Variants in SYT6 observed in about 807,000 individuals in gnomAD.
The protein encoded by SYT6 is synaptotagmin-6.
SYT6 carries 24 observed loss-of-function variants against 38.4 expected under a neutral mutation model. The ratio of observed to expected loss-of-function variants is 0.62; its 90% CI spans 0.45 to 0.88. SYT6 has a LOEUF of 0.88. Among genes scored for constraint, SYT6 ranks in the 40% least tolerant of loss-of-function variants. SYT6 has a pLI of 0.00. For synonymous variants in SYT6, 265 were observed against 241.9 expected, an observed-to-expected ratio of 1.10 and a Z score of -0.89; for missense variants, 611 against 621.0, an observed-to-expected ratio of 0.98 and a Z score of 0.17.
rs1368347222 is a variant in SYT6, at chr1:114,089,504, A to G, written c.*2630T>C. On this transcript the variant is annotated 3_prime_UTR_variant, in exon 8 of 8. Coordinates refer to ENST00000610222, the MANE Select transcript of SYT6 (RefSeq NM_001253772.2). ...CTTTTCATGTTTTTTAAAAAAACCT[A>G]TGTGCAAATGGCCCTGGTTATCACA... The G allele has an allele frequency of 1.3e-5, 2 of 152,434 alleles. No individual in the cohort carries two copies. Among genetic ancestry groups the G allele is most frequent in the Non-Finnish European group, 2.9e-5 (2 of 68,040 alleles). The allele number at this position is 152,434 out of a possible 1,614,324, so 9.4% of individuals were successfully genotyped here.
chr1:114,090,113 G>C lies in SYT6; in HGVS notation c.*2021C>G, dbSNP rs1038683212. ...CCCAGGGAACTCAGTTGTCTCCTTT[G>C]TAATGGCAAGGCCTTCAGCATCTGT... On this transcript the variant is annotated 3_prime_UTR_variant, in exon 8 of 8. Coordinates refer to ENST00000610222, the MANE Select transcript of SYT6 (RefSeq NM_001253772.2). 6.6e-5 allele frequency: 10 copies of C among 152,286 alleles called. No individual in the cohort carries two copies. Among genetic ancestry groups the C allele is most frequent in the African/African-American group, 2.4e-4 (10 of 41,432 alleles). The allele number at this position is 152,286 out of a possible 1,614,324, so 9.4% of individuals were successfully genotyped here. A position where few individuals can be genotyped will look rare whatever the true frequency, so the allele number is the denominator to read the frequency against.
In SYT6 at chr1:114,137,740, C is replaced by G; in HGVS notation, c.826G>C (p.Asp276His). ...DPYVKIYLLPDRKCKLQTRVH... is the reference protein window; with the variant it reads ...DPYVKIYLLPHRKCKLQTRVH... ...CGGGTCTGCAGCTTGCATTTGCGGTCAGGCAGGAGGTAGATCTTGACATAA... is the reference window on the plus strand; with the variant it reads ...CGGGTCTGCAGCTTGCATTTGCGGTGAGGCAGGAGGTAGATCTTGACATAA... The change falls in exon 3 of 8, where the codon GAC becomes CAC. Residue 276 changes from aspartate (D) to histidine (H), a missense_variant. Transcript: ENST00000610222. 6.2e-7 allele frequency: 1 copy of G among 1,614,140 alleles called. No homozygotes were observed. The highest frequency in any genetic ancestry group is 8.5e-7 in the Non-Finnish European group (1 of 1,180,040).
At chr1:114,107,602 A>C (rs1369369351) in intron 3 of SYT6, among the ~76,000 whole-genome samples, 1 of 152,200 alleles carries the variant, frequency 6.6e-6, no homozygotes, top group African/African-American at 2.4e-5. Context: ...CTGCACACAC[A>C]AGCAGCGGAG....
intron 7 of SYT6, among the ~76,000 whole-genome samples, chr1:114,092,338 CTG>C (rs57240903): frequency 0.033 from 4,164 of 128,042 alleles, 154 homozygotes; most frequent in African/African-American, 0.1. Flanking sequence ...CTCTCTCTCT[CTG>C]TGTGTGTGTG....
In SYT6 at chr1:114,151,479, G is replaced by A. The variant is rs1275877421; in HGVS notation, c.163+2131C>T. Among the ~76,000 whole-genome samples, 4 of 152,258 alleles carry A rather than the reference G, an allele frequency of 2.6e-5. No homozygotes were observed. The South Asian group carries it at 8.3e-4, about 32-fold the overall frequency. The stretch of plus-strand genomic sequence containing the variant: ...AGGCACCTGTCATTCCAGATTATGG[G>A]TATCTCTGTGGAGTCAGAACACCTG... On this transcript the variant is annotated intron_variant, in intron 1 of 7. Transcript: ENST00000610222.
chr1:114,132,801 G>C (rs1336505031), intron 3 of SYT6, among the ~76,000 whole-genome samples: 3 of 152,126 alleles, frequency 2.0e-5, no homozygotes, highest in African/African-American at 4.8e-5. Flanking sequence ...GTCCTGGGTG[G>C]CTGTGTACTC....
At chr1:114,120,951 C>T (rs1490003534) in intron 3 of SYT6, among the ~76,000 whole-genome samples, 2 of 152,208 alleles carry the variant, frequency 1.3e-5, no homozygotes, top group Non-Finnish European at 2.9e-5. Flanking sequence ...AGAGCTGCAT[C>T]AAACCTCACG....
chr1:114,141,054 G>C lies in SYT6; in HGVS notation c.164-1091C>G, dbSNP rs1324479205. On this transcript the variant is annotated intron_variant, in intron 1 of 7. Coordinates refer to ENST00000610222, the MANE Select transcript of SYT6 (RefSeq NM_001253772.2). ...CTCCTTAGGCCTCTCTATTTGCTGA[G>C]GCACAACAATATTGAAATTAGGCCA... Among the ~76,000 whole-genome samples, 4 of 152,208 alleles carry C rather than the reference G, an allele frequency of 2.6e-5. No homozygotes were observed. In the East Asian group the frequency reaches 7.7e-4, roughly 29 times the overall value.
intron 6 of SYT6, among the ~76,000 whole-genome samples, chr1:114,097,400 T>C (rs928928629): frequency 1.3e-5 from 2 of 152,238 alleles, no homozygotes; most frequent in African/African-American, 4.8e-5. Context: ...CTTGGGGCTT[T>C]CTCCTAAAGG....
intron 6 of SYT6, among the ~76,000 whole-genome samples, chr1:114,095,271 T>C (rs1185761558): frequency 1.3e-5 from 2 of 152,260 alleles, no homozygotes; most frequent in Admixed American, 6.5e-5. Context: ...CTTGATTCTA[T>C]TTTATCTTTC....
chr1:114,132,578 A>G (rs147687971), intron 3 of SYT6, among the ~76,000 whole-genome samples: 10 of 152,312 alleles, frequency 6.6e-5, no homozygotes, highest in Admixed American at 1.3e-4. Context: ...CAGAGATGGA[A>G]AGTCACTTTT....
At chr1:114,098,690 A>G (rs1247927318) in intron 5 of SYT6, among the ~76,000 whole-genome samples, 1 of 152,156 alleles carries the variant, frequency 6.6e-6, no homozygotes, top group Non-Finnish European at 1.5e-5. Context: ...TTGTGGCAGG[A>G]ATTGATGGAG....
chr1:114,142,093 G>A (rs967713278), intron 1 of SYT6, among the ~76,000 whole-genome samples: 4 of 152,196 alleles, frequency 2.6e-5, no homozygotes, highest in Admixed American at 2.0e-4. Context: ...GCAGCCCATG[G>A]ATCAAGGAGT....
At chr1:114,119,556 T>G (rs772363817) in intron 3 of SYT6, among the ~76,000 whole-genome samples, 1 of 152,182 alleles carries the variant, frequency 6.6e-6, no homozygotes, top group Non-Finnish European at 1.5e-5. Flanking sequence ...TTACCCACAC[T>G]TTACAGATGA....
chr1:114,120,002 C>T lies in SYT6; in HGVS notation c.1072-16281G>A, dbSNP rs535584436. Among the ~76,000 whole-genome samples the T allele has an allele frequency of 4.7e-5, 7 of 148,976 alleles. No individual in the cohort carries two copies. The South Asian group carries it at 1.3e-3, about 27-fold the overall frequency. On this transcript the variant is annotated intron_variant, in intron 3 of 7. Transcript: ENST00000610222. The stretch of plus-strand genomic sequence containing the variant: ...AGGAGAACGGCCTGAACCTGGGAGG[C>T]GGAACTTGCAGTGAGCCGAGATCGC...
At chr1:114,151,073 T>C (rs961029466) in intron 1 of SYT6, among the ~76,000 whole-genome samples, 8 of 152,152 alleles carry the variant, frequency 5.3e-5, no homozygotes, top group African/African-American at 1.7e-4. Flanking sequence ...AATGAAAAGC[T>C]CTAGCATTGT....
intron 1 of SYT6, among the ~76,000 whole-genome samples, chr1:114,148,395 C>T (rs529162375): frequency 6.6e-6 from 1 of 152,308 alleles, no homozygotes; most frequent in South Asian, 2.1e-4. Context: ...AAGAAAGAAC[C>T]ATTTTCCCTA....
chr1:114,107,613 G>A (rs1275748524), intron 3 of SYT6, among the ~76,000 whole-genome samples: 1 of 152,212 alleles, frequency 6.6e-6, no homozygotes, highest in East Asian at 1.9e-4. Context: ...AGCAGCGGAG[G>A]ACTGGATTAT....
intron 6 of SYT6, among the ~76,000 whole-genome samples, chr1:114,094,588 C>T (rs1293312602): frequency 6.6e-6 from 1 of 152,182 alleles, no homozygotes; most frequent in Non-Finnish European, 1.5e-5. Flanking sequence ...GACACCTTTT[C>T]AGTTAATTTG....
Sources: gnomAD v4.1 joint callset for allele counts (sites outside exome capture counted in the v4.1 genomes callset) on GRCh38, gnomAD v4.1.1 for gene constraint, MANE v1.5 for transcripts, NCBI Gene and HGNC (gene_info 2026-07-23, HGNC 2026-07-21) for gene names.